PSG2: variants seen among roughly 807,000 people sequenced by gnomAD.
PSG2 encodes pregnancy-specific beta-1-glycoprotein 2.
Under a neutral mutation model 36.2 loss-of-function variants are expected in PSG2, and 49 were observed. That is an observed-to-expected ratio of 1.35 (90% CI 1.08 to 1.72). PSG2 has a LOEUF of 1.72. Ranked by LOEUF, PSG2 falls within the 40% of genes most tolerant of loss-of-function variation. The probability of loss-of-function intolerance (pLI) is 0.00; values close to 1 mark genes in which losing one functional copy is unlikely to be tolerated. For missense variants in PSG2, 605 were observed against 407.2 expected (o/e 1.49, Z -4.18); for synonymous variants, 261 against 155.6 (o/e 1.68, Z -5.04).
intron 4 of PSG2, among the ~76,000 whole-genome samples, chr19:43,069,706 A>G (rs1967789819): frequency 6.6e-6 from 1 of 151,718 alleles, no homozygotes; most frequent in African/African-American, 2.4e-5. Flanking sequence ...TCAACCCATA[A>G]TAGATCAAAG....
intron 1 of PSG2, 62 bp from the exon 2 acceptor site, chr19:43,081,308 G>A (rs908809412): frequency 3.8e-6 from 6 of 1,562,476 alleles, no homozygotes; most frequent in South Asian, 1.2e-5. Flanking sequence ...AAAAGATGGG[G>A]CCCTGGGTCC....
intron 4 of PSG2, among the ~76,000 whole-genome samples, chr19:43,069,859 C>G (rs1338425472): frequency 1.3e-5 from 2 of 151,654 alleles, no homozygotes; most frequent in African/African-American, 2.4e-5. Flanking sequence ...AAATCAAAAC[C>G]TTTTACATAT....
At chr19:43,067,734 G>C (rs975209704) in intron 4 of PSG2, among the ~76,000 whole-genome samples, 1 of 151,420 alleles carries the variant, frequency 6.6e-6, no homozygotes, top group Non-Finnish European at 1.5e-5. Context: ...TGGTTCCTCT[G>C]TGTGTGGCAT....
rs3205903 is a variant in PSG2 at position 43,081,201 on chromosome 19, G to A, written c.110C>T (p.Thr37Met). 9.3e-6 allele frequency: 15 copies of A among 1,612,568 alleles called. No homozygotes were observed. The African/African-American group carries it at 9.4e-5, about 10-fold the overall frequency. ...FWNLPTTAQV[T>M]IEAQPPKVSE... is the part of the protein sequence containing the mutation. ...AACTTTTGGTGGCTGGGCTTCAATC[G>A]TGACTTGGGCAGTGGTGGGCAGGTT... The change falls in exon 2 of 6, where the codon ACG becomes ATG. Residue 37 changes from threonine (T) to methionine (M), a missense_variant. Transcript: ENST00000406487.
intron 4 of PSG2, among the ~76,000 whole-genome samples, chr19:43,067,911 A>G (rs1451884114): frequency 1.3e-5 from 2 of 151,392 alleles, no homozygotes; most frequent in African/African-American, 2.5e-5. Context: ...CAGATCAACA[A>G]CCTACTTTAA....
Position 43,071,950 on chromosome 19 carries a change from A to G in PSG2, c.714T>C (p.Gly238=), listed in dbSNP as rs1386099121. The G allele has an allele frequency of 4.3e-6, 7 of 1,612,310 alleles. No homozygotes were observed. The African/African-American group carries it at 5.4e-5, about 12-fold the overall frequency. Residue 238 remains glycine (G), a synonymous_variant, in exon 4 of 6, where the codon GGT becomes GGC. Coordinates refer to ENST00000406487, the MANE Select transcript of PSG2 (RefSeq NM_031246.4). The part of the protein sequence containing the change: ...SDPVTLNLLH[G]PDLPRIHPSY... Reference sequence around the variant, plus strand: ...AAGGGTGAATTCTGGGGAGGTCTGGACCATCTGGAGCAAAGAGAATAAAGC... The same window carrying G: ...AAGGGTGAATTCTGGGGAGGTCTGGGCCATCTGGAGCAAAGAGAATAAAGC...
At chr19:43,073,453 A>C (rs891092447) in intron 3 of PSG2, among the ~76,000 whole-genome samples, 11 of 151,452 alleles carry the variant, frequency 7.3e-5, no homozygotes, top group African/African-American at 2.2e-4. Context: ...GCAAAAGCAG[A>C]ACTGACTGGT....
rs1348211756 is a variant in PSG2 at position 43,075,355 on chromosome 19, G to A, written c.708C>T (p.Leu236=). The change falls in exon 3 of 6, where the codon CTC becomes CTT. Residue 236 remains leucine, a splice_region_variant and synonymous_variant. Coordinates refer to ENST00000406487, the MANE Select transcript of PSG2 (RefSeq NM_031246.4). ...CACAGAGGAACAGAAGATACTCACG[G>A]AGGAGATTCAGGGTGACTGGGTCAC... ...SRSDPVTLNL[L]HGPDLPRIHP... 1.2e-6 allele frequency: 2 copies of A among 1,613,180 alleles called. No homozygotes were observed. Among genetic ancestry groups the A allele is most frequent in the East Asian group, 4.5e-5 (2 of 44,868 alleles).
chr19:43,073,552 T>G (rs531354732), intron 3 of PSG2, among the ~76,000 whole-genome samples: 10 of 151,876 alleles, frequency 6.6e-5, no homozygotes, highest in South Asian at 4.2e-4. Flanking sequence ...GAGAAGTTTT[T>G]CAAATATTTT....
chr19:43,081,205 C>G lies in PSG2; in HGVS notation c.106G>C (p.Val36Leu). 1 of 1,612,600 alleles carries G rather than the reference C, an allele frequency of 6.2e-7. No homozygotes were observed. Among genetic ancestry groups the G allele is most frequent in the Non-Finnish European group, 8.5e-7 (1 of 1,179,620 alleles). The change falls in exon 2 of 6, where the codon GTC becomes CTC. Residue 36 changes from valine (V) to leucine (L), a missense_variant. Val to Leu is a conservative substitution (Grantham distance 32). Coordinates refer to ENST00000406487, the MANE Select transcript of PSG2 (RefSeq NM_031246.4). Reference sequence around the variant, plus strand: ...TTTGGTGGCTGGGCTTCAATCGTGACTTGGGCAGTGGTGGGCAGGTTCCAG... The same window carrying G: ...TTTGGTGGCTGGGCTTCAATCGTGAGTTGGGCAGTGGTGGGCAGGTTCCAG... Reference protein sequence around the residue: ...NFWNLPTTAQVTIEAQPPKVS... With the variant: ...NFWNLPTTAQLTIEAQPPKVS...
intron 2 of PSG2, among the ~76,000 whole-genome samples, chr19:43,077,011 T>C (rs1967906573): frequency 6.6e-5 from 10 of 151,628 alleles, no homozygotes; most frequent in Admixed American, 6.6e-4. Context: ...CGTAATACTG[T>C]AATTTTCCCA....
chr19:43,072,419 G>C, intron 3 of PSG2: 1 of 1,612,438 alleles, frequency 6.2e-7, no homozygotes, highest in East Asian at 2.2e-5. Context: ...ACATTCATAG[G>C]GTCCTGTTTC....
intron 3 of PSG2, among the ~76,000 whole-genome samples, chr19:43,074,480 T>C (rs1263947265): frequency 1.3e-5 from 2 of 151,748 alleles, no homozygotes; most frequent in East Asian, 3.8e-4. Context: ...TTTCTTTCCT[T>C]AATTTCCTTT....
chr19:43,071,415 C>T (rs1476250996), intron 4 of PSG2, among the ~76,000 whole-genome samples: 1 of 151,634 alleles, frequency 6.6e-6, no homozygotes, highest in Non-Finnish European at 1.5e-5. Context: ...GAGGACACTC[C>T]TTCTTGTCCC....
At chr19:43,071,238 T>A (rs1967811735) in intron 4 of PSG2, among the ~76,000 whole-genome samples, 1 of 151,832 alleles carries the variant, frequency 6.6e-6, no homozygotes, top group South Asian at 2.1e-4. Flanking sequence ...AAGCAGAGTC[T>A]GAGCTGCTCC....
At chr19:43,080,611 T>G (rs567370886) in intron 2 of PSG2, among the ~76,000 whole-genome samples, 2 of 151,646 alleles carry the variant, frequency 1.3e-5, no homozygotes, top group Non-Finnish European at 2.9e-5. Flanking sequence ...CATGAGGTGC[T>G]TGGCTGAGAC....
intron 5 of PSG2, among the ~76,000 whole-genome samples, chr19:43,065,265 G>T (rs1421103981): frequency 6.6e-6 from 1 of 151,514 alleles, no homozygotes; most frequent in Non-Finnish European, 1.5e-5. Flanking sequence ...TTCAGCTTCT[G>T]TTTCTCAAGA....
rs371852085 is a variant in PSG2, at chr19:43,071,913, A to T, written c.751T>A (p.Tyr251Asn). 19 of 1,612,544 alleles carry T rather than the reference A, an allele frequency of 1.2e-5. No homozygotes were observed. The highest frequency in any genetic ancestry group is 1.5e-5 in the Non-Finnish European group (18 of 1,179,282). The change falls in exon 4 of 6, where the codon TAC (tyrosine) becomes AAC (asparagine). Residue 251 changes from tyrosine to asparagine, a missense_variant. By Grantham distance (143) the Tyr-to-Asn change is moderately radical (BLOSUM62 -2). Transcript: ENST00000406487. ...LPRIHPSYTN[Y>N]RSGDNLYLSC... Reference sequence around the variant, plus strand: ...AAGTAGAGGTTATCTCCTGAACGGTAATTGGTGTATGAAGGGTGAATTCTG... The same window carrying T: ...AAGTAGAGGTTATCTCCTGAACGGTTATTGGTGTATGAAGGGTGAATTCTG...
intron 2 of PSG2, among the ~76,000 whole-genome samples, chr19:43,077,022 T>TA (rs1170903044): frequency 6.6e-6 from 1 of 151,574 alleles, no homozygotes; most frequent in Non-Finnish European, 1.5e-5. Context: ...AATTTTCCCA[T>TA]AAAAAGTTGT....
Sources: allele counts gnomAD v4.1 joint callset (sites outside exome capture counted in the v4.1 genomes callset), GRCh38; gene constraint gnomAD v4.1.1; transcripts MANE v1.5; gene names NCBI Gene and HGNC (gene_info 2026-07-23, HGNC 2026-07-21).